FCGR3A: variants seen among roughly 807,000 people sequenced by gnomAD.
The protein encoded by FCGR3A is low affinity immunoglobulin gamma Fc region receptor III-A.
FCGR3A carries 13 observed loss-of-function variants against 24.1 expected under a neutral mutation model. The ratio of observed to expected loss-of-function variants is 0.54; its 90% CI spans 0.35 to 0.86. The LOEUF (loss-of-function observed/expected upper bound fraction) is 0.86, where lower values mean the gene tolerates loss of function less well. FCGR3A is among the 40% of genes least tolerant of loss of function. The pLI, the probability that FCGR3A is intolerant of heterozygous loss-of-function variation, is 0.01. For synonymous variants in FCGR3A, 93 were observed against 112.2 expected, an observed-to-expected ratio of 0.83 and a Z score of 1.08; for missense variants, 235 against 298.0, an observed-to-expected ratio of 0.79 and a Z score of 1.56.
chr1:161,549,002 C>G lies in FCGR3A; in HGVS notation c.61+9G>C, dbSNP rs369485510. The stretch of plus-strand genomic sequence containing the variant: ...ACTGGGTCAATCCAAGACCATGAAG[C>G]TGACTCACCAGTCCGCATGCCAGCT... On this transcript the variant is annotated intron_variant, in intron 2 of 4. Transcript: ENST00000443193. 30 of 1,602,182 alleles carry G rather than the reference C, an allele frequency of 1.9e-5. 1 individual carries two copies. In the African/African-American group the frequency reaches 3.6e-4, roughly 19 times the overall value.
intron 3 of FCGR3A, among the ~76,000 whole-genome samples, chr1:161,547,952 C>T (rs1469454687): frequency 6.6e-6 from 1 of 152,290 alleles, no homozygotes; most frequent in Non-Finnish European, 1.5e-5. Context: ...TGCCTGTAAT[C>T]TCAGCTACTC....
Position 161,542,861 on chromosome 1 carries a change from A to G in FCGR3A, c.*151T>C. The G allele has an allele frequency of 1.6e-6, 1 of 610,550 alleles. No individual in the cohort carries two copies. Among genetic ancestry groups the G allele is most frequent in the South Asian group, 2.9e-5 (1 of 34,832 alleles). 37.8% of individuals were successfully genotyped at this position (610,550 alleles called of 1,614,324 possible). On this transcript the variant is annotated 3_prime_UTR_variant, in exon 5 of 5. Coordinates refer to ENST00000443193, the MANE Select transcript of FCGR3A (RefSeq NM_000569.8). Reference sequence around the variant, plus strand: ...GGCTTTTCCCTTCCACTGGAGACCAAGGAAAAGTCGAGAGTTGGATAAGGG... The same window carrying G: ...GGCTTTTCCCTTCCACTGGAGACCAGGGAAAAGTCGAGAGTTGGATAAGGG...
At position 161,544,760 on chromosome 1, in the gene FCGR3A, CT is replaced by C. The variant is rs750253713; in HGVS notation, c.517del (p.Arg173GlyfsTer14). On this transcript the variant is annotated frameshift_variant, in exon 4 of 5. Coordinates refer to ENST00000443193, the MANE Select transcript of FCGR3A (RefSeq NM_000569.8). LOFTEE classifies it high-confidence loss of function. ...CACATTTTTACTCCCAAAAAGCCCC[CT>C]GCAGAAGTAGGAGCCGCTGTCTTTG... ...TLKDSGSYFC[R>X]GLFGSKNVSS... 1.2e-6 allele frequency: 2 copies of C among 1,613,110 alleles called. No homozygotes were observed. Among genetic ancestry groups the C allele is most frequent in the East Asian group, 4.5e-5 (2 of 44,876 alleles).
chr1:161,543,312 G>T, intron 4 of FCGR3A, 113 bp from the exon 5 acceptor site: 1 of 1,263,560 alleles, frequency 7.9e-7, no homozygotes, highest in Non-Finnish European at 1.1e-6. Context: ...CAGGCAAGTG[G>T]TAGGAATGGT....
At chr1:161,550,574 T>G (rs1469905833), upstream of FCGR3A, 1 of 152,260 alleles carries the variant, frequency 6.6e-6, no homozygotes, top group Non-Finnish European at 1.5e-5. Flanking sequence ...CTCAGGCCCC[T>G]CCGGGCCACT....
At chr1:161,543,882 T>C (rs1296117198) in intron 4 of FCGR3A, among the ~76,000 whole-genome samples, 1 of 152,236 alleles carries the variant, frequency 6.6e-6, no homozygotes, top group Non-Finnish European at 1.5e-5. Flanking sequence ...GGCACACCAC[T>C]CTAGAGCTCT....
rs1403552117 is a variant in FCGR3A at position 161,542,451 on chromosome 1, T to A, written c.*561A>T. 2.0e-5 allele frequency: 3 copies of A among 152,284 alleles called. No individual in the cohort carries two copies. Among genetic ancestry groups the A allele is most frequent in the Non-Finnish European group, 4.4e-5 (3 of 68,114 alleles). 9.4% of individuals were successfully genotyped at this position (152,284 alleles called of 1,614,324 possible). A position where few individuals can be genotyped will look rare whatever the true frequency, so the allele number is the denominator to read the frequency against. ...CTGTTAATTCCACTACGGCTAATGTTCTAGGAAGACACCCTTATCTCTGGG... is the reference window on the plus strand; with the variant it reads ...CTGTTAATTCCACTACGGCTAATGTACTAGGAAGACACCCTTATCTCTGGG... On this transcript the variant is annotated 3_prime_UTR_variant, in exon 5 of 5. Coordinates refer to ENST00000443193, the MANE Select transcript of FCGR3A (RefSeq NM_000569.8).
intron 4 of FCGR3A, 77 bp downstream of exon 4, chr1:161,544,624 C>A: frequency 6.5e-7 from 1 of 1,541,418 alleles, no homozygotes; most frequent in Non-Finnish European, 8.8e-7. Context: ...GAATCTCCTC[C>A]CAACTCAACT....
At chr1:161,545,201 A>G (rs1677334329) in intron 3 of FCGR3A, among the ~76,000 whole-genome samples, 1 of 152,138 alleles carries the variant, frequency 6.6e-6, no homozygotes, top group Non-Finnish European at 1.5e-5. Flanking sequence ...GGGTTAGAGC[A>G]GAGGGACTAA....
At chr1:161,546,675 G>A (rs1424163092) in intron 3 of FCGR3A, among the ~76,000 whole-genome samples, 2 of 151,710 alleles carry the variant, frequency 1.3e-5, no homozygotes, top group Admixed American at 6.6e-5. Flanking sequence ...GGAGGCCGAG[G>A]TGGGCAGATC....
chr1:161,545,995 T>C (rs886298911), intron 3 of FCGR3A, among the ~76,000 whole-genome samples: 11 of 152,132 alleles, frequency 7.2e-5, no homozygotes, highest in African/African-American at 2.7e-4. Context: ...TACTTTTATA[T>C]ATTTTTGAAA....
chr1:161,549,465 G>A (rs1677636264), intron 1 of FCGR3A, among the ~76,000 whole-genome samples: 1 of 152,046 alleles, frequency 6.6e-6, no homozygotes, highest in Non-Finnish European at 1.5e-5. Context: ...GTGATTCTGG[G>A]ACCCAGAGGG....
upstream of FCGR3A, chr1:161,550,234 C>G: frequency 4.6e-6 from 2 of 435,292 alleles, no homozygotes; most frequent in Non-Finnish European, 8.1e-6. Context: ...GAGGCCCTGC[C>G]TGCACACAGA....
intron 3 of FCGR3A, among the ~76,000 whole-genome samples, chr1:161,547,486 C>T (rs1267463808): frequency 6.6e-6 from 1 of 152,178 alleles, no homozygotes; most frequent in Non-Finnish European, 1.5e-5. Flanking sequence ...AGACCTCTGC[C>T]TTCAAAATAT....
intron 3 of FCGR3A, among the ~76,000 whole-genome samples, chr1:161,547,203 C>G (rs1395228400): frequency 2.0e-5 from 3 of 152,094 alleles, no homozygotes; most frequent in Admixed American, 2.0e-4. Flanking sequence ...TCTTACCTAG[C>G]TAGAAATGGA....
chr1:161,547,167 A>T (rs1417739326), intron 3 of FCGR3A, among the ~76,000 whole-genome samples: 2 of 152,008 alleles, frequency 1.3e-5, no homozygotes, highest in Non-Finnish European at 2.9e-5. Context: ...TAATTCCCCC[A>T]TTTTATTTGG....
chr1:161,549,842 C>T, upstream of FCGR3A: 1 of 1,612,772 alleles, frequency 6.2e-7, no homozygotes, highest in African/African-American at 1.3e-5. Flanking sequence ...CCCCTCCACC[C>T]ATCTCTGTCA....
rs369940880 is a variant in FCGR3A, at chr1:161,549,794, A to G, written c.-58T>C. 19 of 1,613,262 alleles carry G rather than the reference A, an allele frequency of 1.2e-5. No individual in the cohort carries two copies. The highest frequency in any genetic ancestry group is 5.3e-5 in the African/African-American group (4 of 74,812). On this transcript the variant is annotated 5_prime_UTR_variant, in exon 1 of 5. Coordinates refer to ENST00000443193, the MANE Select transcript of FCGR3A (RefSeq NM_000569.8). Reference sequence around the variant, plus strand: ...ATATCCGGAGCCCTAAAGGGACCAAACCGACTAGACAGGAGGAAGTAAACA... The same window carrying G: ...ATATCCGGAGCCCTAAAGGGACCAAGCCGACTAGACAGGAGGAAGTAAACA...
intron 3 of FCGR3A, chr1:161,545,555 C>G (rs1427721070): frequency 1.3e-5 from 2 of 153,298 alleles, no homozygotes; most frequent in Admixed American, 1.3e-4. Context: ...TAAGGTGTCA[C>G]AGGGCCTCGG....
Sources: gnomAD v4.1 joint callset for allele counts (sites outside exome capture counted in the v4.1 genomes callset) on GRCh38, gnomAD v4.1.1 for gene constraint, MANE v1.5 for transcripts, NCBI Gene and HGNC (gene_info 2026-07-23, HGNC 2026-07-21) for gene names.